ATP10B: variants seen among roughly 807,000 people sequenced by gnomAD.
ATP10B encodes phospholipid-transporting ATPase VB.
A neutral mutation model predicts 141.2 loss-of-function variants in ATP10B; 122 were observed. The observed-to-expected ratio is 0.86, with a 90% CI of 0.75 to 1.00. The LOEUF is 1.00. ATP10B is among the 50% of genes least tolerant of loss of function. The pLI is 0.00. For missense variants in ATP10B, 1,876 were observed against 1,825.3 expected, an observed-to-expected ratio of 1.03 and a Z score of -0.51; for synonymous variants, 685 against 692.0, an observed-to-expected ratio of 0.99 and a Z score of 0.16.
chr5:160,645,456 T>G (rs184619698), intron 8 of ATP10B, among the ~76,000 whole-genome samples: 2 of 152,356 alleles, frequency 1.3e-5, no homozygotes, highest in East Asian at 3.9e-4. Flanking sequence ...GCCTCTTTCC[T>G]GTACCAGCTT....
chr5:160,585,564 T>C (rs1319402436), intron 24 of ATP10B, among the ~76,000 whole-genome samples: 1 of 152,240 alleles, frequency 6.6e-6, no homozygotes, highest in African/African-American at 2.4e-5. Flanking sequence ...ATGGCGCCAC[T>C]GCACTCTGGC....
intron 17 of ATP10B, 27 bp downstream of exon 17, chr5:160,615,811 C>T (rs1390429462): frequency 6.2e-7 from 1 of 1,600,672 alleles, no homozygotes; most frequent in South Asian, 1.1e-5. Context: ...TCCTTTTTTC[C>T]TATAATAATG....
At chr5:160,702,141 A>T (rs529280275) in intron 3 of ATP10B, among the ~76,000 whole-genome samples, 3 of 152,356 alleles carry the variant, frequency 2.0e-5, no homozygotes, top group Admixed American at 2.0e-4. Flanking sequence ...GACACTAAGA[A>T]ATACTTCACT....
At chr5:160,684,998 C>T (rs772242692) in intron 6 of ATP10B, 1 of 703,382 alleles carries the variant, frequency 1.4e-6, no homozygotes, top group South Asian at 1.5e-5. Context: ...AAATTCAGAA[C>T]CGCAATGCCC....
chr5:160,786,304 T>G (rs563082630), intron 1 of ATP10B, among the ~76,000 whole-genome samples: 1 of 152,302 alleles, frequency 6.6e-6, no homozygotes, highest in East Asian at 1.9e-4. Flanking sequence ...GGTACCTAGC[T>G]TTGATGTTAT....
chr5:160,780,371 T>TTC (rs397807644), intron 2 of ATP10B, among the ~76,000 whole-genome samples: 1 of 151,960 alleles, frequency 6.6e-6, no homozygotes, highest in Non-Finnish European at 1.5e-5. Context: ...TTTATTCTTT[T>TTC]ATACAATAGC....
intron 21 of ATP10B, among the ~76,000 whole-genome samples, chr5:160,602,106 C>G (rs894466217): frequency 3.9e-5 from 6 of 152,148 alleles, no homozygotes; most frequent in Admixed American, 2.0e-4. Context: ...AGAGTAATGA[C>G]AGCAACAATA....
At chr5:160,719,277 G>A (rs1332645228) in intron 2 of ATP10B, among the ~76,000 whole-genome samples, 1 of 152,168 alleles carries the variant, frequency 6.6e-6, no homozygotes, top group Non-Finnish European at 1.5e-5. Context: ...GTGGGCGCCT[G>A]TAGTCCCAGC....
At chr5:160,691,721 T>C (rs1312074225) in intron 3 of ATP10B, 1 of 152,208 alleles carries the variant, frequency 6.6e-6, no homozygotes, top group African/African-American at 2.4e-5. Context: ...ACCCTCATCA[T>C]AATTCTTCTC....
intron 1 of ATP10B, among the ~76,000 whole-genome samples, chr5:160,841,548 A>G (rs1348837515): frequency 6.6e-6 from 1 of 152,256 alleles, no homozygotes; most frequent in African/African-American, 2.4e-5. Flanking sequence ...TCTATATTCA[A>G]TAAAAAATTA....
chr5:160,705,841 C>T (rs1764983029), intron 3 of ATP10B, among the ~76,000 whole-genome samples: 1 of 152,206 alleles, frequency 6.6e-6, no homozygotes, highest in African/African-American at 2.4e-5. Context: ...AGATTTCAGC[C>T]TGTCTTGGCT....
chr5:160,703,653 T>C (rs1017003346), intron 3 of ATP10B, among the ~76,000 whole-genome samples: 31 of 152,058 alleles, frequency 2.0e-4, no homozygotes, highest in Admixed American at 8.5e-4. Context: ...TTAGTAAAAA[T>C]GAGGTTTCAT....
chr5:160,863,523 T>C, the ATP10B span, among the ~76,000 whole-genome samples: 4 of 151,868 alleles, frequency 2.6e-5, no homozygotes, highest in Admixed American at 6.6e-5. Context: ...AAAGCATAAA[T>C]AGACAACCTA....
At chr5:160,670,266 A>G (rs141368072) in intron 7 of ATP10B, among the ~76,000 whole-genome samples, 197 bp downstream of exon 7, 3 of 152,322 alleles carry the variant, frequency 2.0e-5, no homozygotes, top group African/African-American at 7.2e-5. Flanking sequence ...ACTAAGCCTC[A>G]GTTTCCTCAT....
At position 160,634,328 on chromosome 5, in the gene ATP10B, G is replaced by T. The variant is rs1473983812; in HGVS notation, c.1381+26C>A. 8 of 1,613,944 alleles carry T rather than the reference G, an allele frequency of 5.0e-6. No individual in the cohort carries two copies. The African/African-American group carries it at 1.1e-4, about 22-fold the overall frequency. ...CAGGGTATTTCCTTTTAGAAAGAGG[G>T]ATGGAGCCCTTGGGAGCTTCTATAC... is the stretch of plus-strand genomic sequence containing the variant. On this transcript the variant is annotated intron_variant, in intron 12 of 25. Transcript: ENST00000327245.
At chr5:160,892,396 T>C in the ATP10B span, among the ~76,000 whole-genome samples, 6 of 152,226 alleles carry the variant, frequency 3.9e-5, no homozygotes, top group Non-Finnish European at 7.4e-5. Flanking sequence ...GTCCCCAGGC[T>C]TCTGTTTTCA....
the ATP10B span, among the ~76,000 whole-genome samples, chr5:160,861,564 G>A: frequency 6.6e-6 from 1 of 151,970 alleles, no homozygotes; most frequent in South Asian, 2.1e-4. Context: ...GAGGAGAAAG[G>A]GATTAGTTTT....
the ATP10B span, among the ~76,000 whole-genome samples, chr5:160,880,041 A>ATATAAATCTAATAATCTATGTG: frequency 1.3e-5 from 2 of 151,398 alleles, no homozygotes; most frequent in Non-Finnish European, 2.9e-5. Flanking sequence ...TATAAATCTA[A>ATATAAATCTAATAATCTATGTG]TATAAATCTA....
the ATP10B span, among the ~76,000 whole-genome samples, chr5:160,881,053 A>G: frequency 6.6e-6 from 1 of 152,246 alleles, no homozygotes; most frequent in African/African-American, 2.4e-5. Flanking sequence ...GATAAAGACT[A>G]TTACCCAAAA....
Sources: allele counts gnomAD v4.1 joint callset (sites outside exome capture counted in the v4.1 genomes callset), GRCh38; gene constraint gnomAD v4.1.1; transcripts MANE v1.5; gene names NCBI Gene and HGNC (gene_info 2026-07-23, HGNC 2026-07-21).